The following PRKCA variants were observed in gnomAD, a reference collection of about 807,000 sequenced individuals.
The protein encoded by PRKCA is protein kinase C alpha type.
In PRKCA, 27 loss-of-function variants were observed where a neutral mutation model predicts 87.0. The observed-to-expected ratio is 0.31, with a 90% CI of 0.23 to 0.43. PRKCA has a LOEUF of 0.43. Ranked by LOEUF, PRKCA falls within the 20% of genes least tolerant of loss-of-function variation. The pLI is 1.00. For missense variants in PRKCA, 518 were observed against 852.3 expected (o/e 0.61, Z 4.88); for synonymous variants, 329 against 311.1 (o/e 1.06, Z -0.61).
In PRKCA at chr17:66,566,479, GGTT is replaced by G. The variant is rs1968894635; in HGVS notation, c.288+70197_288+70199del. ...TTGTGAAGAACTGTTGTTGTTTTTT[GGTT>G]TTTTTTTTTTTTTTTTTTTTGCAAC... On this transcript the variant is annotated intron_variant, in intron 3 of 16. Coordinates refer to ENST00000413366, the MANE Select transcript of PRKCA (RefSeq NM_002737.3). 2.4e-4 allele frequency among the ~76,000 whole-genome samples: 18 copies of G among 74,704 alleles called. 2 individuals are homozygous for G. The highest frequency in any genetic ancestry group is 0.014 in the Middle Eastern group (2 of 142). 49.0% of individuals were successfully genotyped at this position (74,704 alleles called of 152,430 possible).
In PRKCA at chr17:66,378,142, G is replaced by A. The variant is rs549987118; in HGVS notation, c.205+72015G>A. Among the ~76,000 whole-genome samples the A allele has an allele frequency of 1.7e-4, 26 of 152,096 alleles. No individual in the cohort carries two copies. The East Asian group carries it at 4.7e-3, about 27-fold the overall frequency. ...GTTCGAGACCAGCCTGGGCAACATG[G>A]CAAAACCCTGTCTCTACTAAAAATA... On this transcript the variant is annotated intron_variant, in intron 2 of 16. Transcript: ENST00000413366.
At position 66,603,081 on chromosome 17, in the gene PRKCA, T is replaced by C. The variant is rs148167028; in HGVS notation, c.289-38274T>C. On this transcript the variant is annotated intron_variant, in intron 3 of 16. Coordinates refer to ENST00000413366, the MANE Select transcript of PRKCA (RefSeq NM_002737.3). ...ACAAGAGCCCGGCTTTTAGCTGAAC[T>C]AAAGAGAAAGCCTTACAGCACTACC... Among the ~76,000 whole-genome samples, 900 of 152,306 alleles carry C rather than the reference T, an allele frequency of 5.9e-3. 11 individuals are homozygous for C. Among genetic ancestry groups the C allele is most frequent in the African/African-American group, 0.018 (750 of 41,546 alleles).
At chr17:66,718,214 G>C (rs766934308) in intron 8 of PRKCA, among the ~76,000 whole-genome samples, 11 of 152,220 alleles carry the variant, frequency 7.2e-5, no homozygotes, top group Non-Finnish European at 1.2e-4. Context: ...GGCAGGTGAG[G>C]TGTCTGGTGA....
chr17:66,475,060 T>C (rs1385103328), intron 2 of PRKCA, among the ~76,000 whole-genome samples: 1 of 152,208 alleles, frequency 6.6e-6, no homozygotes, highest in Non-Finnish European at 1.5e-5. Flanking sequence ...CTGGCAAATA[T>C]CAGGTCTTCA....
At chr17:66,306,186 A>G in intron 2 of PRKCA, 59 bp downstream of exon 2, 3 of 1,468,362 alleles carry the variant, frequency 2.0e-6, no homozygotes, top group Non-Finnish European at 2.8e-6. Context: ...ATTCCAAACA[A>G]GAACATTATT....
chr17:66,772,772 G>A (rs997600545), intron 13 of PRKCA, among the ~76,000 whole-genome samples: 3 of 152,120 alleles, frequency 2.0e-5, no homozygotes, highest in African/African-American at 4.8e-5. Context: ...AGCCACAAAG[G>A]TAGAAGGAAG....
intron 13 of PRKCA, among the ~76,000 whole-genome samples, chr17:66,769,572 T>C (rs1974886376): frequency 6.6e-6 from 1 of 152,170 alleles, no homozygotes; most frequent in African/African-American, 2.4e-5. Flanking sequence ...TGCACAAGCT[T>C]TTCTCCCTTG....
At chr17:66,588,861 G>T (rs892360656) in intron 3 of PRKCA, among the ~76,000 whole-genome samples, 12 of 151,690 alleles carry the variant, frequency 7.9e-5, no homozygotes, top group Admixed American at 5.9e-4. Flanking sequence ...GGCTGATCTC[G>T]AACTACTGAT....
rs934347377 is a variant in PRKCA at position 66,774,070 on chromosome 17, A to G, written c.1605+3A>G. ...TGTATGAAATGCTTGCCGGGCAGGTAATGTTTTGCTACATTTTCATGTTTG... is the reference window on the plus strand; with the variant it reads ...TGTATGAAATGCTTGCCGGGCAGGTGATGTTTTGCTACATTTTCATGTTTG... On this transcript the variant is annotated splice_donor_region_variant and intron_variant, in intron 14 of 16. Coordinates refer to ENST00000413366, the MANE Select transcript of PRKCA (RefSeq NM_002737.3). The G allele has an allele frequency of 5.0e-6, 8 of 1,613,984 alleles. No homozygotes were observed. The highest frequency in any genetic ancestry group is 6.8e-6 in the Non-Finnish European group (8 of 1,179,988).
intron 3 of PRKCA, among the ~76,000 whole-genome samples, chr17:66,635,072 A>G (rs1446591829): frequency 1.3e-5 from 2 of 152,154 alleles, no homozygotes; most frequent in African/African-American, 2.4e-5. Context: ...GACTTTGATA[A>G]TGACTTTTCA....
intron 2 of PRKCA, among the ~76,000 whole-genome samples, chr17:66,344,376 C>T (rs1002596198): frequency 6.6e-6 from 1 of 152,102 alleles, no homozygotes; most frequent in Non-Finnish European, 1.5e-5. Flanking sequence ...GCTAGCTGTG[C>T]CGGGCGCTGT....
intron 2 of PRKCA, among the ~76,000 whole-genome samples, chr17:66,378,761 CG>C (rs1205787165): frequency 1.3e-5 from 2 of 151,876 alleles, no homozygotes; most frequent in Non-Finnish European, 2.9e-5. Flanking sequence ...ATTAGCCTGG[CG>C]TGGTGGCACA....
Position 66,781,500 on chromosome 17 carries a change from G to A in PRKCA, c.1606-5367G>A, listed in dbSNP as rs148304416. 3.5e-4 allele frequency among the ~76,000 whole-genome samples: 53 copies of A among 152,308 alleles called. No homozygotes were observed. In the East Asian group the frequency reaches 9.7e-3, roughly 28 times the overall value. On this transcript the variant is annotated intron_variant, in intron 14 of 16. Coordinates refer to ENST00000413366, the MANE Select transcript of PRKCA (RefSeq NM_002737.3). ...TGTCTTATGCTTTGGAGATGGTCTC[G>A]GTTGTTTGTTTCCACAGCAGGACCC...
chr17:66,668,081 C>T (rs1972086950), intron 5 of PRKCA, among the ~76,000 whole-genome samples: 1 of 152,188 alleles, frequency 6.6e-6, no homozygotes, highest in South Asian at 2.1e-4. Flanking sequence ...AAACCAAAGT[C>T]CTGCACACCT....
intron 13 of PRKCA, among the ~76,000 whole-genome samples, chr17:66,754,369 C>T (rs1974503513): frequency 1.3e-5 from 2 of 152,060 alleles, no homozygotes; most frequent in Admixed American, 1.3e-4. Flanking sequence ...ACAGAGCGGG[C>T]ACCATGTGCG....
intron 3 of PRKCA, among the ~76,000 whole-genome samples, chr17:66,533,484 C>G (rs1324752782): frequency 6.6e-6 from 1 of 152,202 alleles, no homozygotes; most frequent in Non-Finnish European, 1.5e-5. Flanking sequence ...CAAGTCGCAC[C>G]CAAGGCTGCT....
At chr17:66,652,039 A>G (rs937574700) in intron 5 of PRKCA, among the ~76,000 whole-genome samples, 3 of 151,938 alleles carry the variant, frequency 2.0e-5, no homozygotes, top group East Asian at 1.9e-4. Context: ...GCTCATTGCA[A>G]CCTCCGCCTC....
rs773919783 is a variant in PRKCA at position 66,404,742 on chromosome 17, CTTT to C, written c.206-91434_206-91432del. Among the ~76,000 whole-genome samples, 19 of 54,232 alleles carry C rather than the reference CTTT, an allele frequency of 3.5e-4. No homozygotes were observed. The South Asian group carries it at 0.012, about 34-fold the overall frequency. The allele number at this position is 54,232 out of a possible 152,430, so 35.6% of individuals were successfully genotyped here. On this transcript the variant is annotated intron_variant, in intron 2 of 16. Transcript: ENST00000413366. ...CTGGCTGCTGGAAAGGATGGTAGGCCTTTTTTTTTTTTTTTTTTTTTTTTTTTG... is the reference window on the plus strand; with the variant it reads ...CTGGCTGCTGGAAAGGATGGTAGGCCTTTTTTTTTTTTTTTTTTTTTTTTG...
intron 2 of PRKCA, among the ~76,000 whole-genome samples, chr17:66,322,487 G>A (rs1411291226): frequency 6.6e-6 from 1 of 151,942 alleles, no homozygotes. Flanking sequence ...TAAAGAGATG[G>A]AGTCTCCCTC....
Sources: gnomAD v4.1 joint callset for allele counts (sites outside exome capture counted in the v4.1 genomes callset) on GRCh38, gnomAD v4.1.1 for gene constraint, MANE v1.5 for transcripts, NCBI Gene and HGNC (gene_info 2026-07-23, HGNC 2026-07-21) for gene names.